FGF13: variants seen among roughly 807,000 people sequenced by gnomAD.
The protein encoded by FGF13 is fibroblast growth factor homologous factor 2.
Under a neutral mutation model 19.5 loss-of-function variants are expected in FGF13, and 2 were observed. The observed-to-expected ratio is 0.10, with a 90% CI of 0.04 to 0.32. The LOEUF (loss-of-function observed/expected upper bound fraction) is 0.32, where lower values mean the gene tolerates loss of function less well. FGF13 is among the 10% of genes least tolerant of loss of function. The probability of loss-of-function intolerance (pLI) is 1.00; values close to 1 mark genes in which losing one functional copy is unlikely to be tolerated. For missense variants in FGF13, 113 were observed against 192.7 expected, an observed-to-expected ratio of 0.59 and a Z score of 2.45; for synonymous variants, 72 against 76.9, an observed-to-expected ratio of 0.94 and a Z score of 0.33.
chrX:138,668,932 G>T (rs1251300638), intron 3 of FGF13, among the ~76,000 whole-genome samples: 1 of 111,142 alleles, frequency 9.0e-6, no homozygotes, highest in Non-Finnish European at 1.9e-5. Flanking sequence ...AGCAGGAGGA[G>T]TTCATGGATG....
chrX:138,993,866 A>G (rs2092029675), intron 1 of FGF13, among the ~76,000 whole-genome samples: 2 of 111,867 alleles, frequency 1.8e-5, no homozygotes, highest in Admixed American at 9.5e-5. Context: ...TGCCTCTTAC[A>G]GTGTCAAAAA....
chrX:138,867,461 C>T (rs761165272), intron 1 of FGF13, among the ~76,000 whole-genome samples: 13 of 110,307 alleles, frequency 1.2e-4, no homozygotes, highest in Non-Finnish European at 1.5e-4. Flanking sequence ...ATACCCCAGA[C>T]TGGAAAGGAG....
chrX:139,043,433 G>A (rs942225883), intron 1 of FGF13, among the ~76,000 whole-genome samples: 1 of 110,374 alleles, frequency 9.1e-6, no homozygotes, highest in East Asian at 2.8e-4. Context: ...GGCTGGTCTC[G>A]AGCTTCTAAC....
At chrX:139,045,114 A>T (rs904535843) in intron 1 of FGF13, among the ~76,000 whole-genome samples, 7 of 112,498 alleles carry the variant, frequency 6.2e-5, no homozygotes, top group African/African-American at 1.9e-4. Context: ...TCACTCTTGC[A>T]TTCTGCACAC....
chrX:138,668,599 G>T (rs1010320397), intron 3 of FGF13, among the ~76,000 whole-genome samples: 1 of 109,623 alleles, frequency 9.1e-6, no homozygotes, highest in African/African-American at 3.3e-5. Context: ...CAAGATGAAA[G>T]GTGTCTGCAT....
chrX:139,039,533 A>G (rs1472538908), intron 1 of FGF13, among the ~76,000 whole-genome samples: 1 of 111,989 alleles, frequency 8.9e-6, no homozygotes, highest in Non-Finnish European at 1.9e-5. Flanking sequence ...ATTTTCAACT[A>G]CTGTTTTGCT....
intron 3 of FGF13, among the ~76,000 whole-genome samples, chrX:138,821,356 G>A (rs778875363): frequency 1.8e-5 from 2 of 111,558 alleles, no homozygotes; most frequent in Non-Finnish European, 3.8e-5. Flanking sequence ...CTTTTATTTC[G>A]ATACAAAAAC....
At chrX:138,769,651 T>C (rs2090530841) in intron 3 of FGF13, among the ~76,000 whole-genome samples, 1 of 112,199 alleles carries the variant, frequency 8.9e-6, no homozygotes, top group Non-Finnish European at 1.9e-5. Flanking sequence ...GTGGGACCAT[T>C]AGGCCCACAG....
intron 1 of FGF13, among the ~76,000 whole-genome samples, chrX:139,196,369 G>C (rs1207582667): frequency 8.9e-6 from 1 of 111,880 alleles, no homozygotes; most frequent in Non-Finnish European, 1.9e-5. Flanking sequence ...AGTGGTTCAA[G>C]AGGATGGCCA....
intron 3 of FGF13, among the ~76,000 whole-genome samples, chrX:138,818,494 G>GCA (rs1396686091): frequency 1.1e-4 from 6 of 52,182 alleles, no homozygotes; most frequent in African/African-American, 2.2e-4. Flanking sequence ...ATATATATAT[G>GCA]CACAGACACA....
chrX:139,195,921 A>G (rs2084367219), intron 1 of FGF13, among the ~76,000 whole-genome samples: 1 of 112,065 alleles, frequency 8.9e-6, no homozygotes, highest in Non-Finnish European at 1.9e-5. Flanking sequence ...TGGGGGGTGG[A>G]TTTCTTTCAT....
intron 3 of FGF13, among the ~76,000 whole-genome samples, chrX:138,830,151 T>A (rs1156234566): frequency 1.8e-5 from 2 of 112,259 alleles, no homozygotes; most frequent in Non-Finnish European, 3.8e-5. Context: ...TGGAAGTAGC[T>A]TTGGAACTGG....
chrX:138,678,431 A>C (rs1197200619), intron 3 of FGF13, among the ~76,000 whole-genome samples: 1 of 112,050 alleles, frequency 8.9e-6, no homozygotes, highest in Non-Finnish European at 1.9e-5. Context: ...AAAATGGATA[A>C]CTAAACCGTT....
At chrX:138,962,211 A>G (rs2091874725) in intron 1 of FGF13, among the ~76,000 whole-genome samples, 1 of 112,577 alleles carries the variant, frequency 8.9e-6, no homozygotes, top group Non-Finnish European at 1.9e-5. Context: ...TCTCAAAAGA[A>G]GACATTTATG....
chrX:139,169,522 T>C, intron 1 of FGF13, among the ~76,000 whole-genome samples: 1 of 109,818 alleles, frequency 9.1e-6, no homozygotes, highest in Middle Eastern at 4.6e-3. Context: ...CAAGCTGGGG[T>C]ACAGAGGTGC....
At chrX:139,140,805 C>A (rs1258831801) in intron 1 of FGF13, among the ~76,000 whole-genome samples, 1 of 110,899 alleles carries the variant, frequency 9.0e-6, no homozygotes, top group African/African-American at 3.3e-5. Context: ...TCTCCATGAT[C>A]TGGGTCCCTA....
intron 3 of FGF13, among the ~76,000 whole-genome samples, chrX:138,810,592 A>T (rs1012919756): frequency 5.3e-5 from 6 of 112,223 alleles, no homozygotes; most frequent in Non-Finnish European, 1.1e-4. Flanking sequence ...AAATTGACAA[A>T]TGGGATCTAA....
At chrX:138,987,312 T>C (rs1330582233) in intron 1 of FGF13, among the ~76,000 whole-genome samples, 1 of 111,295 alleles carries the variant, frequency 9.0e-6, no homozygotes, top group Non-Finnish European at 1.9e-5. Context: ...CCTTTCCTTA[T>C]AGTATTCACT....
chrX:139,031,945 T>G (rs1424205969), intron 1 of FGF13, among the ~76,000 whole-genome samples: 1 of 110,628 alleles, frequency 9.0e-6, no homozygotes, highest in East Asian at 2.8e-4. Flanking sequence ...CAGCAGCCAA[T>G]CCATAAGACA....
Sources: gnomAD v4.1 joint callset for allele counts (sites outside exome capture counted in the v4.1 genomes callset) on GRCh38, gnomAD v4.1.1 for gene constraint, MANE v1.5 for transcripts, NCBI Gene and HGNC (gene_info 2026-07-23, HGNC 2026-07-21) for gene names.